USP31: variants seen among roughly 807,000 people sequenced by gnomAD.
USP31 encodes ubiquitin carboxyl-terminal hydrolase 31.
A neutral mutation model predicts 119.4 loss-of-function variants in USP31; 44 were observed. That is an observed-to-expected ratio of 0.37 (90% CI 0.29 to 0.47). The LOEUF is 0.47. Among genes scored for constraint, USP31 ranks in the 20% least tolerant of loss-of-function variants. The probability of loss-of-function intolerance (pLI) is 0.99; values close to 1 mark genes in which losing one functional copy is unlikely to be tolerated. For synonymous variants in USP31, 749 were observed against 705.6 expected (o/e 1.06, Z -0.97); for missense variants, 1,643 against 1,730.2 (o/e 0.95, Z 0.89).
Position 23,105,593 on chromosome 16 carries a change from C to T in USP31, c.954-17G>A, listed in dbSNP as rs151223092. On this transcript the variant is annotated splice_polypyrimidine_tract_variant and intron_variant, in intron 4 of 15. Transcript: ENST00000219689. ...TAGAGAGGCCTGTACAGATCAAAGT[C>T]AGATCTTCTCATTAGTCACTTATTT... 8.5e-4 allele frequency: 1,302 copies of T among 1,534,884 alleles called. No individual in the cohort carries two copies. Among genetic ancestry groups the T allele is most frequent in the Admixed American group, 1.3e-3 (64 of 49,282 alleles).
chr16:23,132,583 T>C (rs966954281), intron 1 of USP31, among the ~76,000 whole-genome samples: 1 of 152,190 alleles, frequency 6.6e-6, no homozygotes, highest in Non-Finnish European at 1.5e-5. Flanking sequence ...GAAAAGCATC[T>C]ATATGATTAC....
At chr16:23,140,982 A>C (rs1903337024) in intron 1 of USP31, among the ~76,000 whole-genome samples, 1 of 152,142 alleles carries the variant, frequency 6.6e-6, no homozygotes, top group Admixed American at 6.5e-5. Flanking sequence ...CCAGTCCATC[A>C]CAAAAGCCTC....
intron 1 of USP31, among the ~76,000 whole-genome samples, chr16:23,147,832 T>C (rs1903567468): frequency 2.6e-5 from 4 of 152,118 alleles, no homozygotes; most frequent in African/African-American, 9.7e-5. Context: ...AGCTATTAAA[T>C]ACTCTGGAAG....
At position 23,065,454 on chromosome 16, in the gene USP31, T is replaced by C. The variant is rs1900027575; in HGVS notation, c.*2592A>G. Reference sequence around the variant, plus strand: ...CACCTCAAGGAGCACCTCCAAACTTTCGGGCCAAATAACCTTTCCTGTGGC... The same window carrying C: ...CACCTCAAGGAGCACCTCCAAACTTCCGGGCCAAATAACCTTTCCTGTGGC... On this transcript the variant is annotated 3_prime_UTR_variant, in exon 16 of 16. Transcript: ENST00000219689. 2 of 152,740 alleles carry C rather than the reference T, an allele frequency of 1.3e-5. No homozygotes were observed. The highest frequency in any genetic ancestry group is 6.5e-5 in the Admixed American group (1 of 15,296). The allele number at this position is 152,740 out of a possible 1,614,324, so 9.5% of individuals were successfully genotyped here.
chr16:23,100,212 C>G (rs530424722), intron 6 of USP31, among the ~76,000 whole-genome samples: 1 of 152,176 alleles, frequency 6.6e-6, no homozygotes, highest in African/African-American at 2.4e-5. Context: ...CACACAAAAA[C>G]TTGTGTGGAA....
chr16:23,137,196 G>C (rs1268012760), intron 1 of USP31, among the ~76,000 whole-genome samples: 2 of 152,176 alleles, frequency 1.3e-5, no homozygotes, highest in East Asian at 3.8e-4. Flanking sequence ...CTGAGTGACA[G>C]AGCAAGACCC....
intron 6 of USP31, among the ~76,000 whole-genome samples, chr16:23,097,729 G>C (rs1023975977): frequency 6.6e-6 from 1 of 151,840 alleles, no homozygotes; most frequent in African/African-American, 2.4e-5. Flanking sequence ...AAAACCATAT[G>C]ATTATCTCAA....
chr16:23,106,285 T>C lies in USP31; in HGVS notation c.881A>G (p.His294Arg). ...AQYRSSLTCP[H>R]CQKQSNTFDP... ...AAAAGTGTTGCTCTGTTTCTGACAATGAGGACACGTCAAAGAAGATCTTCA... is the reference window on the plus strand; with the variant it reads ...AAAAGTGTTGCTCTGTTTCTGACAACGAGGACACGTCAAAGAAGATCTTCA... Residue 294 changes from histidine to arginine, a missense_variant, in exon 4 of 16, where the codon CAT (histidine) becomes CGT (arginine). By Grantham distance (29) the His-to-Arg change is conservative. Transcript: ENST00000219689. 6.2e-7 allele frequency: 1 copy of C among 1,614,170 alleles called. No individual in the cohort carries two copies. Among genetic ancestry groups the C allele is most frequent in the Non-Finnish European group, 8.5e-7 (1 of 1,180,028 alleles).
At chr16:23,123,332 G>A (rs1470407625) in intron 1 of USP31, among the ~76,000 whole-genome samples, 1 of 152,158 alleles carries the variant, frequency 6.6e-6, no homozygotes, top group Non-Finnish European at 1.5e-5. Context: ...GAGGTCAGGA[G>A]TTCGAGACCA....
At chr16:23,105,412 T>C (rs772666053) in intron 5 of USP31, 29 bp downstream of exon 5, 2 of 1,551,164 alleles carry the variant, frequency 1.3e-6, no homozygotes, top group East Asian at 2.3e-5. Context: ...TTGTGGCTCA[T>C]GTGTAACTGG....
In USP31 at chr16:23,068,803, G is replaced by C. The variant is rs566732624; in HGVS notation, c.3302C>G (p.Pro1101Arg). Residue 1101 changes from proline (P) to arginine (R), a missense_variant, in exon 16 of 16, where the codon CCG becomes CGG. By Grantham distance (103) the Pro-to-Arg change is moderately radical (BLOSUM62 -2). Around this residue, in one of 5 missense-constraint regions of USP31, gnomAD observed 699 missense variants for 650.9 expected, o/e 1.07. Transcript: ENST00000219689. ...APAQPKKESSPKSQDSVSSPS... is the reference protein window; with the variant it reads ...APAQPKKESSRKSQDSVSSPS... ...AGATGACACGGAGTCCTGAGATTTC[G>C]GGGATGACTCCTTTTTGGGTTGGGC... is the stretch of plus-strand genomic sequence containing the variant. The C allele has an allele frequency of 1.0e-5, 16 of 1,557,856 alleles. No individual in the cohort carries two copies. In the South Asian group the frequency reaches 1.1e-4, roughly 11 times the overall value.
intron 15 of USP31, among the ~76,000 whole-genome samples, chr16:23,071,179 T>TA: frequency 6.6e-6 from 1 of 152,334 alleles, no homozygotes; most frequent in African/African-American, 2.4e-5. Flanking sequence ...GAGCTAGAGC[T>TA]ATGGTGCAGC....
chr16:23,127,301 C>T (rs1397151472), intron 1 of USP31, among the ~76,000 whole-genome samples: 1 of 150,146 alleles, frequency 6.7e-6, no homozygotes, highest in Non-Finnish European at 1.5e-5. Flanking sequence ...GTGGTGAGCA[C>T]CTGTGGTCCC....
chr16:23,134,089 T>TCACACA lies in USP31; in HGVS notation c.633+14543_633+14548dup, dbSNP rs10557354. Among the ~76,000 whole-genome samples the TCACACA allele has an allele frequency of 1.9e-4, 28 of 146,446 alleles. 1 individual carries two copies. Among genetic ancestry groups the TCACACA allele is most frequent in the East Asian group, 8.1e-4 (4 of 4,954 alleles). ...GAGACCCTGTCTCTCTCTCTCTCTC[T>TCACACA]CACACACACACACACACACACACAC... On this transcript the variant is annotated intron_variant, in intron 1 of 15. Coordinates refer to ENST00000219689, the MANE Select transcript of USP31 (RefSeq NM_020718.4).
rs1184723305 is a variant in USP31 at position 23,062,856 on chromosome 16, T to C, written c.*5190A>G. On this transcript the variant is annotated 3_prime_UTR_variant, in exon 16 of 16. Coordinates refer to ENST00000219689, the MANE Select transcript of USP31 (RefSeq NM_020718.4). Reference sequence around the variant, plus strand: ...TATCTCTCAATTCTTTTTATTCTTATTTTTTCTGCTTCTCCTACACAACTG... The same window carrying C: ...TATCTCTCAATTCTTTTTATTCTTACTTTTTCTGCTTCTCCTACACAACTG... The C allele has an allele frequency of 6.6e-6, 1 of 152,362 alleles. No homozygotes were observed. Among genetic ancestry groups the C allele is most frequent in the African/African-American group, 2.4e-5 (1 of 41,410 alleles). 9.4% of individuals were successfully genotyped at this position (152,362 alleles called of 1,614,324 possible). A position where few individuals can be genotyped will look rare whatever the true frequency, so the allele number is the denominator to read the frequency against.
At position 23,108,175 on chromosome 16, in the gene USP31, C is replaced by T. The variant is rs1902186394; in HGVS notation, c.642G>A (p.Val214=). 1.2e-6 allele frequency: 2 copies of T among 1,611,662 alleles called. No individual in the cohort carries two copies. The highest frequency in any genetic ancestry group is 8.5e-7 in the Non-Finnish European group (1 of 1,179,052). Residue 214 remains valine, a synonymous_variant, in exon 2 of 16, where the codon GTG becomes GTA. Transcript: ENST00000219689. ...CCCGGTACTGCAGTGCATTCTTTGA[C>T]ACAATAGTCTATGCAGGTAAATAAA... ...PQHSRDFKTI[V]SKNALQYRGN...
chr16:23,144,532 C>G (rs969254148), intron 1 of USP31, among the ~76,000 whole-genome samples: 6 of 151,730 alleles, frequency 4.0e-5, no homozygotes, highest in African/African-American at 1.5e-4. Context: ...CAGGCTGGAG[C>G]GCAGTGACAT....
Position 23,149,125 on chromosome 16 carries a change from G to GGAAA in USP31, c.145_146insTTTC (p.Pro49LeufsTer32), listed in dbSNP as rs1903637316. On this transcript the variant is annotated frameshift_variant, in exon 1 of 16. Transcript: ENST00000219689. LOFTEE classifies it high-confidence loss of function. Reference sequence around the variant, plus strand: ...AGAGGAGGGCGAGGAGGGCGAGGAAGGCGCGGCCGGCCCGGACGCCCCGGG... The same window carrying GGAAA: ...AGAGGAGGGCGAGGAGGGCGAGGAAGGAAAGCGCGGCCGGCCCGGACGCCCCGGG... 8.0e-7 allele frequency: 1 copy of GGAAA among 1,254,414 alleles called. No homozygotes were observed. Among genetic ancestry groups the GGAAA allele is most frequent in the African/African-American group, 1.6e-5 (1 of 63,356 alleles). 77.7% of individuals were successfully genotyped at this position (1,254,414 alleles called of 1,614,324 possible). A position where few individuals can be genotyped will look rare whatever the true frequency, so the allele number is the denominator to read the frequency against.
At chr16:23,083,594 T>C (rs79091984) in intron 11 of USP31, among the ~76,000 whole-genome samples, 1 of 132,988 alleles carries the variant, frequency 7.5e-6, no homozygotes, top group East Asian at 2.2e-4. Context: ...TCCAAAGTCA[T>C]TAAAAAAAAA....
Sources: gnomAD v4.1 joint callset for allele counts (sites outside exome capture counted in the v4.1 genomes callset) on GRCh38, gnomAD v4.1.1 for gene constraint, gnomAD v4.1.1 regional missense constraint, MANE v1.5 for transcripts, NCBI Gene and HGNC (gene_info 2026-07-23, HGNC 2026-07-21) for gene names.